The following DCC variants were observed in gnomAD, a reference collection of about 807,000 sequenced individuals.
DCC encodes the protein netrin receptor DCC.
Under a neutral mutation model 172.5 loss-of-function variants are expected in DCC, and 58 were observed. The observed-to-expected ratio is 0.34, with a 90% CI of 0.27 to 0.42. The LOEUF (loss-of-function observed/expected upper bound fraction) is 0.42. Ranked by LOEUF, DCC falls within the 10% of genes least tolerant of loss-of-function variation. The probability of loss-of-function intolerance (pLI) is 1.00; values close to 1 mark genes in which losing one functional copy is unlikely to be tolerated. For missense variants in DCC, 1,740 were observed against 1,791.0 expected (o/e 0.97, Z 0.51); for synonymous variants, 709 against 644.5 (o/e 1.10, Z -1.52).
chr18:52,462,636 C>G (rs557521350), intron 1 of DCC, among the ~76,000 whole-genome samples: 9 of 152,194 alleles, frequency 5.9e-5, no homozygotes, highest in African/African-American at 2.2e-4. Flanking sequence ...TCTCTATCCC[C>G]CTTCCCTGAT....
chr18:53,347,810 G>A (rs1219872028), intron 15 of DCC, among the ~76,000 whole-genome samples: 2 of 152,104 alleles, frequency 1.3e-5, no homozygotes, highest in East Asian at 1.9e-4. Context: ...AAGAGAGCTT[G>A]TGCAGAGAAA....
chr18:53,347,367 G>A (rs1351665503), intron 15 of DCC, among the ~76,000 whole-genome samples: 1 of 152,126 alleles, frequency 6.6e-6, no homozygotes, highest in Non-Finnish European at 1.5e-5. Flanking sequence ...GGATTGTTTT[G>A]TATCTTGTTT....
chr18:53,321,083 T>C (rs1337339235), intron 13 of DCC, among the ~76,000 whole-genome samples: 1 of 152,220 alleles, frequency 6.6e-6, no homozygotes, highest in Non-Finnish European at 1.5e-5. Flanking sequence ...TACTAAGTAT[T>C]CATCTTCCTA....
At chr18:52,678,454 T>G (rs2144985036) in intron 1 of DCC, among the ~76,000 whole-genome samples, 1 of 152,302 alleles carries the variant, frequency 6.6e-6, no homozygotes, top group Non-Finnish European at 1.5e-5. Context: ...CTTTCTTTGT[T>G]GTTGCCTTTA....
At chr18:52,892,123 A>G (rs999577078) in intron 2 of DCC, among the ~76,000 whole-genome samples, 1 of 152,126 alleles carries the variant, frequency 6.6e-6, no homozygotes, top group Non-Finnish European at 1.5e-5. Context: ...CCCATGTCCT[A>G]TTGAACCACG....
intron 1 of DCC, among the ~76,000 whole-genome samples, chr18:52,497,385 A>ACACACATAT (rs1491286526): frequency 2.5e-4 from 38 of 149,112 alleles, no homozygotes; most frequent in African/African-American, 9.1e-4. Flanking sequence ...ATATATGTAT[A>ACACACATAT]CACACATATA....
At chr18:52,421,418 C>T (rs1176019117) in intron 1 of DCC, among the ~76,000 whole-genome samples, 3 of 152,136 alleles carry the variant, frequency 2.0e-5, no homozygotes, top group East Asian at 3.9e-4. Flanking sequence ...AGTGCCCTTC[C>T]TTTAGAAGTC....
chr18:53,030,615 C>T (rs1054658228), intron 5 of DCC, among the ~76,000 whole-genome samples: 1 of 152,042 alleles, frequency 6.6e-6, no homozygotes, highest in African/African-American at 2.4e-5. Flanking sequence ...TGTAACAAGG[C>T]CCCCAACTTA....
intron 1 of DCC, among the ~76,000 whole-genome samples, chr18:52,535,941 A>C (rs1037862196): frequency 6.6e-6 from 1 of 152,190 alleles, no homozygotes; most frequent in Non-Finnish European, 1.5e-5. Flanking sequence ...GGGAGCACAG[A>C]GGAGGAAATA....
intron 1 of DCC, among the ~76,000 whole-genome samples, chr18:52,571,522 A>G (rs1161648896): frequency 6.6e-6 from 1 of 152,178 alleles, no homozygotes; most frequent in Non-Finnish European, 1.5e-5. Flanking sequence ...AATGGCATGT[A>G]ACTTCACACT....
chr18:53,321,518 A>G (rs1405536045), intron 13 of DCC, among the ~76,000 whole-genome samples: 7 of 152,164 alleles, frequency 4.6e-5, no homozygotes, highest in African/African-American at 7.2e-5. Context: ...TTGATTTTCT[A>G]TATCTCTTGT....
chr18:53,052,836 C>G (rs1410780668), intron 5 of DCC, among the ~76,000 whole-genome samples: 1 of 151,976 alleles, frequency 6.6e-6, no homozygotes, highest in Admixed American at 6.6e-5. Flanking sequence ...ACAGTAATTG[C>G]AACTTCTTCT....
intron 1 of DCC, among the ~76,000 whole-genome samples, chr18:52,540,345 T>G (rs1443729290): frequency 6.6e-6 from 1 of 152,026 alleles, no homozygotes; most frequent in African/African-American, 2.4e-5. Context: ...GAGGGTCACT[T>G]GAGCCCAAGA....
chr18:52,915,438 C>T (rs1268582342), intron 3 of DCC, among the ~76,000 whole-genome samples: 1 of 152,002 alleles, frequency 6.6e-6, no homozygotes, highest in Non-Finnish European at 1.5e-5. Context: ...GTGAATATGC[C>T]CCTCAGTATG....
At chr18:53,515,506 A>T (rs1348626027) in intron 27 of DCC, among the ~76,000 whole-genome samples, 1 of 148,624 alleles carries the variant, frequency 6.7e-6, no homozygotes, top group Non-Finnish European at 1.5e-5. Flanking sequence ...AGGAAGTCAA[A>T]TTGTCCCTGT....
chr18:52,632,103 C>T (rs1269865610), intron 1 of DCC, among the ~76,000 whole-genome samples: 3 of 152,114 alleles, frequency 2.0e-5, no homozygotes, highest in Non-Finnish European at 4.4e-5. Context: ...TCCCCAAATT[C>T]CTAGTTTCTG....
chr18:52,989,567 G>T (rs964156342), intron 5 of DCC, among the ~76,000 whole-genome samples: 25 of 152,258 alleles, frequency 1.6e-4, no homozygotes, highest in African/African-American at 5.8e-4. Context: ...GGTGAAGTTA[G>T]TCACTGAACA....
chr18:52,825,396 A>C (rs915188136), intron 2 of DCC, among the ~76,000 whole-genome samples: 2 of 152,192 alleles, frequency 1.3e-5, no homozygotes, highest in East Asian at 1.9e-4. Context: ...AAAATTAAGC[A>C]ACTCCTATTC....
At position 52,455,077 on chromosome 18, in the gene DCC, T is replaced by A. The variant is rs536602229; in HGVS notation, c.91+114199T>A. On this transcript the variant is annotated intron_variant, in intron 1 of 28. Coordinates refer to ENST00000442544, the MANE Select transcript of DCC (RefSeq NM_005215.4). Reference sequence around the variant, plus strand: ...TAATGTATATAGTAAAGCTAAAAATTCCTTTTATGAAGTATTAAGTGCTGC... The same window carrying A: ...TAATGTATATAGTAAAGCTAAAAATACCTTTTATGAAGTATTAAGTGCTGC... 2.0e-5 allele frequency among the ~76,000 whole-genome samples: 3 copies of A among 152,310 alleles called. No homozygotes were observed. In the East Asian group the frequency reaches 5.8e-4, roughly 29 times the overall value.
Sources: gnomAD v4.1 joint callset for allele counts (sites outside exome capture counted in the v4.1 genomes callset) on GRCh38, gnomAD v4.1.1 for gene constraint, MANE v1.5 for transcripts, NCBI Gene and HGNC (gene_info 2026-07-23, HGNC 2026-07-21) for gene names.